Variants in MBD5 observed in about 807,000 individuals in gnomAD.
MBD5 encodes the protein methyl-CpG binding domain protein 5, also known as methyl-CpG-binding domain protein 5.
A neutral mutation model predicts 117.3 loss-of-function variants in MBD5; 13 were observed. The observed-to-expected ratio is 0.11, with a 90% CI of 0.07 to 0.18. The LOEUF (loss-of-function observed/expected upper bound fraction) is 0.18, where lower values mean the gene tolerates loss of function less well. MBD5 is among the 10% of genes least tolerant of loss of function. The pLI, the probability that MBD5 is intolerant of heterozygous loss-of-function variation, is 1.00. For missense variants in MBD5, 1,879 were observed against 2,093.8 expected (o/e 0.90, Z 2.00); for synonymous variants, 727 against 766.4 (o/e 0.95, Z 0.85).
chr2:148,367,478 G>C (rs950857661), intron 4 of MBD5, among the ~76,000 whole-genome samples: 2 of 152,124 alleles, frequency 1.3e-5, no homozygotes, highest in Non-Finnish European at 2.9e-5. Context: ...TTGACAAACA[G>C]GATCTAATTA....
At chr2:148,468,296 G>C (rs963778322) in intron 7 of MBD5, 45 bp from the exon 8 acceptor site, 38 of 1,529,914 alleles carry the variant, frequency 2.5e-5, no homozygotes, top group Non-Finnish European at 2.8e-5. Flanking sequence ...CACCACAAAA[G>C]AGTTGAGACT....
intron 4 of MBD5, among the ~76,000 whole-genome samples, chr2:148,362,541 G>A (rs1703572745): frequency 6.6e-6 from 1 of 152,158 alleles, no homozygotes; most frequent in Non-Finnish European, 1.5e-5. Context: ...CAGGGGAAAG[G>A]AACAGCTGTG....
At chr2:148,417,026 T>C (rs1705439736) in intron 4 of MBD5, among the ~76,000 whole-genome samples, 1 of 152,228 alleles carries the variant, frequency 6.6e-6, no homozygotes. Flanking sequence ...ATTTTCTTTA[T>C]CCACTCATCG....
intron 8 of MBD5, among the ~76,000 whole-genome samples, chr2:148,480,408 A>C (rs1006434687): frequency 6.6e-6 from 1 of 152,038 alleles, no homozygotes; most frequent in African/African-American, 2.4e-5. Context: ...TGCCATGTAC[A>C]CTCTAGAGCA....
intron 3 of MBD5, among the ~76,000 whole-genome samples, chr2:148,269,467 CTTTTAT>C (rs1280169875): frequency 6.6e-6 from 1 of 151,494 alleles, no homozygotes; most frequent in Non-Finnish European, 1.5e-5. Flanking sequence ...TTTTATTTTA[CTTTTAT>C]ATTTGAGAAC....
Position 148,078,919 on chromosome 2 carries a change from G to A in MBD5, c.-925+57235G>A, listed in dbSNP as rs184565798. Reference sequence around the variant, plus strand: ...AAGTGTGTTAATTATTTTATTAATTGCCCCATTGTTCATGGAGACAAGTGC... The same window carrying A: ...AAGTGTGTTAATTATTTTATTAATTACCCCATTGTTCATGGAGACAAGTGC... On this transcript the variant is annotated intron_variant, in intron 1 of 13. Coordinates refer to ENST00000642680, the MANE Select transcript of MBD5 (RefSeq NM_001378120.1). 1.3e-3 allele frequency among the ~76,000 whole-genome samples: 204 copies of A among 152,248 alleles called. 1 individual carries two copies. Among genetic ancestry groups the A allele is most frequent in the Non-Finnish European group, 1.6e-3 (110 of 68,010 alleles).
At chr2:148,179,210 G>C (rs544088447) in intron 2 of MBD5, among the ~76,000 whole-genome samples, 11 of 151,962 alleles carry the variant, frequency 7.2e-5, no homozygotes, top group Admixed American at 3.3e-4. Flanking sequence ...AAAAAATTAG[G>C]CGGGCGTGGT....
At chr2:148,501,525 TA>T (rs1407807681) in intron 11 of MBD5, among the ~76,000 whole-genome samples, 1 of 152,202 alleles carries the variant, frequency 6.6e-6, no homozygotes, top group Non-Finnish European at 1.5e-5. Flanking sequence ...GTTTACAGAA[TA>T]AAAATAGCCA....
chr2:148,490,182 T>C lies in MBD5; in HGVS notation c.4550T>C (p.Val1517Ala). The C allele has an allele frequency of 1.2e-6, 2 of 1,613,906 alleles. No homozygotes were observed. The highest frequency in any genetic ancestry group is 2.2e-5 in the East Asian group (1 of 44,844). The change falls in exon 11 of 14, where the codon GTG (valine) becomes GCG (alanine). Residue 1517 changes from valine (V) to alanine (A), a missense_variant. By Grantham distance (64) the Val-to-Ala change is moderately conservative. Coordinates refer to ENST00000642680, the MANE Select transcript of MBD5 (RefSeq NM_001378120.1). The stretch of plus-strand genomic sequence containing the variant: ...TTTAAGGAGAGACTAGAGAACACTG[T>C]GGAAAGATGTGCACACATAAATGGG... ...MSFKERLENT[V>A]ERCAHINGNR...
At chr2:148,468,220 A>G (rs1460162368) in intron 7 of MBD5, 121 bp from the exon 8 acceptor site, 1 of 741,392 alleles carries the variant, frequency 1.3e-6, no homozygotes, top group East Asian at 2.7e-5. Context: ...TTATTTACAG[A>G]TTCCTATTTC....
At chr2:148,170,515 G>T (rs1005898270) in intron 1 of MBD5, among the ~76,000 whole-genome samples, 1 of 152,060 alleles carries the variant, frequency 6.6e-6, no homozygotes, top group South Asian at 2.1e-4. Context: ...GATTCTTTGC[G>T]GTTTTATTTT....
At chr2:148,142,041 A>G (rs1216584730) in intron 1 of MBD5, among the ~76,000 whole-genome samples, 3 of 152,060 alleles carry the variant, frequency 2.0e-5, no homozygotes, top group Non-Finnish European at 1.5e-5. Context: ...CCTATGGAGA[A>G]CTCCTAGAAA....
At chr2:148,079,857 A>AAACAACAAC (rs201427792) in intron 1 of MBD5, among the ~76,000 whole-genome samples, 14 of 123,586 alleles carry the variant, frequency 1.1e-4, no homozygotes, top group East Asian at 5.5e-4. Flanking sequence ...ACTCTGTCTA[A>AAACAACAAC]AACAACAACA....
intron 4 of MBD5, among the ~76,000 whole-genome samples, chr2:148,369,177 A>T (rs1397533900): frequency 6.6e-6 from 1 of 152,102 alleles, no homozygotes; most frequent in African/African-American, 2.4e-5. Context: ...TGCCAAAGTC[A>T]TGAAAAAGAA....
intron 4 of MBD5, among the ~76,000 whole-genome samples, chr2:148,446,181 G>T: frequency 6.6e-6 from 1 of 151,654 alleles, no homozygotes; most frequent in East Asian, 1.9e-4. Context: ...CATTGCTTTC[G>T]GTGTTTTAGA....
chr2:148,072,071 G>A (rs532611004), intron 1 of MBD5: 1 of 152,186 alleles, frequency 6.6e-6, no homozygotes, highest in South Asian at 2.1e-4. Context: ...TCTTGTTTTA[G>A]CCTTTGTATA....
intron 4 of MBD5, among the ~76,000 whole-genome samples, chr2:148,395,167 G>A (rs1377137658): frequency 1.3e-5 from 2 of 152,118 alleles, no homozygotes; most frequent in Admixed American, 6.5e-5. Flanking sequence ...TGGAGCCTCT[G>A]CTTCTCTCTA....
intron 1 of MBD5, among the ~76,000 whole-genome samples, chr2:148,064,741 G>C (rs1349069497): frequency 6.6e-6 from 1 of 152,082 alleles, no homozygotes; most frequent in African/African-American, 2.4e-5. Context: ...AAAATAATTG[G>C]AGGCTTTATA....
intron 4 of MBD5, among the ~76,000 whole-genome samples, chr2:148,412,897 G>A (rs192056270): frequency 1.3e-4 from 20 of 152,028 alleles, no homozygotes; most frequent in African/African-American, 2.4e-4. Flanking sequence ...AAATCATATC[G>A]TCTGCAAACA....
Sources: allele counts gnomAD v4.1 joint callset (sites outside exome capture counted in the v4.1 genomes callset), GRCh38; gene constraint gnomAD v4.1.1; transcripts MANE v1.5; gene names NCBI Gene and HGNC (gene_info 2026-07-23, HGNC 2026-07-21).